The following SMC6 variants were observed in gnomAD, a reference collection of about 807,000 sequenced individuals.
SMC6 encodes the protein structural maintenance of chromosomes 6, also known as structural maintenance of chromosomes protein 6.
In SMC6, 79 loss-of-function variants were observed where a neutral mutation model predicts 142.2. The ratio of observed to expected loss-of-function variants is 0.56; its 90% CI spans 0.46 to 0.67. SMC6 has a LOEUF of 0.67. Among genes scored for constraint, SMC6 ranks in the 30% least tolerant of loss-of-function variants. The pLI is 0.00. For missense variants in SMC6, 1,072 were observed against 1,284.0 expected (o/e 0.83, Z 2.52); for synonymous variants, 411 against 412.4 (o/e 1.00, Z 0.04).
At chr2:17,726,490 T>C in intron 7 of SMC6, 21 bp from the exon 8 acceptor site, 3 of 1,585,024 alleles carry the variant, frequency 1.9e-6, no homozygotes, top group Non-Finnish European at 2.6e-6. Context: ...CAAAAAGTCA[T>C]TTTTGAATAT....
intron 26 of SMC6, 95 bp from the exon 27 acceptor site, chr2:17,666,612 C>T (rs1285510963): frequency 1.2e-6 from 1 of 826,454 alleles, no homozygotes; most frequent in Non-Finnish European, 2.0e-6. Context: ...CCTGGATTTT[C>T]ATCCAGGGAT....
At chr2:17,706,886 T>C (rs569453463) in intron 18 of SMC6, among the ~76,000 whole-genome samples, 26 of 152,198 alleles carry the variant, frequency 1.7e-4, no homozygotes, top group African/African-American at 5.5e-4. Flanking sequence ...CTGAGACAAA[T>C]AGGCAAAACT....
At position 17,721,089 on chromosome 2, in the gene SMC6, A is replaced by G. The variant is rs147155104; in HGVS notation, c.847-51T>C. 1,199 of 1,612,336 alleles carry G rather than the reference A, an allele frequency of 7.4e-4. 13 individuals carry two copies. The African/African-American group carries it at 0.014, about 19-fold the overall frequency. On this transcript the variant is annotated intron_variant, in intron 10 of 27. Coordinates refer to ENST00000448223, the MANE Select transcript of SMC6 (RefSeq NM_001142286.2). Reference sequence around the variant, plus strand: ...TGATCAGATTAACAATAATAACCAAATACATTCTGCATATCACATAGATAC... The same window carrying G: ...TGATCAGATTAACAATAATAACCAAGTACATTCTGCATATCACATAGATAC...
intron 4 of SMC6, chr2:17,740,778 A>G: frequency 2.3e-6 from 1 of 427,800 alleles, no homozygotes; most frequent in Non-Finnish European, 4.7e-6. Context: ...TGAACCTGGG[A>G]GGCAGAGGTT....
rs543836177 is a variant in SMC6 at position 17,723,287 on chromosome 2, T to C, written c.726+1970A>G. ...AATCAATCTTTCCACATCTCTTCTC[T>C]CCTTATAGCAGTTCATTCTCTTGTA... On this transcript the variant is annotated intron_variant, in intron 9 of 27. Coordinates refer to ENST00000448223, the MANE Select transcript of SMC6 (RefSeq NM_001142286.2). Among the ~76,000 whole-genome samples the C allele has an allele frequency of 2.4e-4, 37 of 152,324 alleles. No individual in the cohort carries two copies. In the South Asian group the frequency reaches 7.2e-3, roughly 30 times the overall value.
intron 9 of SMC6, among the ~76,000 whole-genome samples, chr2:17,722,575 T>C (rs1032276691): frequency 6.6e-6 from 1 of 152,180 alleles, no homozygotes; most frequent in Admixed American, 6.5e-5. Flanking sequence ...CCTCACATTT[T>C]CCAGTTCCAC....
intron 24 of SMC6, chr2:17,681,075 T>C (rs1190241323): frequency 1.3e-5 from 2 of 152,250 alleles, no homozygotes; most frequent in African/African-American, 4.8e-5. Context: ...GTGCAGCTTC[T>C]ACATCAGCGC....
intron 11 of SMC6, among the ~76,000 whole-genome samples, chr2:17,718,754 T>C (rs967681124): frequency 5.9e-5 from 9 of 152,168 alleles, no homozygotes; most frequent in Admixed American, 2.0e-4. Flanking sequence ...AAATTAAATA[T>C]TGCTAGAGCT....
chr2:17,703,327 A>C, intron 18 of SMC6, 35 bp from the exon 19 acceptor site: 1 of 1,560,880 alleles, frequency 6.4e-7, no homozygotes, highest in Non-Finnish European at 8.7e-7. Context: ...AAATACTTTA[A>C]ATCTTTTTCT....
At chr2:17,717,235 T>G in intron 12 of SMC6, 59 bp from the exon 13 acceptor site, 1 of 1,248,792 alleles carries the variant, frequency 8.0e-7, no homozygotes, top group Non-Finnish European at 1.1e-6. Context: ...CCCATTCACG[T>G]CCACTTTTGT....
chr2:17,731,069 A>T lies in SMC6; in HGVS notation c.543+9T>A. The T allele has an allele frequency of 6.2e-7, 1 of 1,605,882 alleles. No individual in the cohort carries two copies. The highest frequency in any genetic ancestry group is 8.5e-7 in the Non-Finnish European group (1 of 1,174,698). ...ATGAATTAATCTGAAACACAAATTC[A>T]CCAATTACCTGGATGTTAAAATGAT... On this transcript the variant is annotated intron_variant, in intron 7 of 27. Transcript: ENST00000448223.
chr2:17,692,642 T>C (rs1306082107), intron 23 of SMC6, among the ~76,000 whole-genome samples: 3 of 152,162 alleles, frequency 2.0e-5, no homozygotes, highest in South Asian at 2.1e-4. Flanking sequence ...GACATAGGCA[T>C]GGGCAAGGAC....
At chr2:17,721,770 A>G (rs1304177284) in intron 9 of SMC6, among the ~76,000 whole-genome samples, 1 of 150,636 alleles carries the variant, frequency 6.6e-6, no homozygotes. Context: ...ATCTCGGCTC[A>G]CTGCAACCTC....
At position 17,716,835 on chromosome 2, in the gene SMC6, T is replaced by C; in HGVS notation, c.1252A>G (p.Lys418Glu). ...GAATTTTCTTGATTTTGAAAGGCCT[T>C]TACTCTCTCTTTTAACCAAGATATT... Reference protein sequence around the residue: ...KKISWLKERVKAFQNQENSVN... With the variant: ...KKISWLKERVEAFQNQENSVN... Residue 418 changes from lysine to glutamate, a missense_variant, in exon 14 of 28, where the codon AAG (lysine) becomes GAG (glutamate). Physicochemically the swap from Lys to Glu is moderately conservative, Grantham distance 56. Coordinates refer to ENST00000448223, the MANE Select transcript of SMC6 (RefSeq NM_001142286.2). 1 of 1,613,566 alleles carries C rather than the reference T, an allele frequency of 6.2e-7. No individual in the cohort carries two copies. Among genetic ancestry groups the C allele is most frequent in the Non-Finnish European group, 8.5e-7 (1 of 1,179,780 alleles).
chr2:17,735,069 T>C (rs1670085564), intron 5 of SMC6, among the ~76,000 whole-genome samples: 1 of 151,970 alleles, frequency 6.6e-6, no homozygotes, highest in African/African-American at 2.4e-5. Flanking sequence ...AGCAAAATAC[T>C]TCTAAAAAAT....
At chr2:17,737,601 C>T (rs2125062171) in intron 5 of SMC6, among the ~76,000 whole-genome samples, 1 of 152,200 alleles carries the variant, frequency 6.6e-6, no homozygotes, top group Non-Finnish European at 1.5e-5. Context: ...GTGATGGCAA[C>T]CTATGACAAA....
chr2:17,717,645 T>C (rs1669163189), intron 12 of SMC6, among the ~76,000 whole-genome samples: 1 of 152,190 alleles, frequency 6.6e-6, no homozygotes, highest in Admixed American at 6.5e-5. Context: ...CACTCCAGCC[T>C]GGGTGACAGG....
intron 20 of SMC6, among the ~76,000 whole-genome samples, chr2:17,700,751 G>A (rs1386893217): frequency 6.6e-6 from 1 of 152,016 alleles, no homozygotes; most frequent in Non-Finnish European, 1.5e-5. Context: ...AATTTAGTTG[G>A]CCAGGTGCAG....
chr2:17,721,850 C>A (rs774786143), intron 9 of SMC6, among the ~76,000 whole-genome samples: 6 of 152,096 alleles, frequency 3.9e-5, no homozygotes, highest in Non-Finnish European at 7.4e-5. Context: ...CATGCACCAC[C>A]ACACCCAGCT....
Sources: gnomAD v4.1 joint callset for allele counts (sites outside exome capture counted in the v4.1 genomes callset) on GRCh38, gnomAD v4.1.1 for gene constraint, MANE v1.5 for transcripts, NCBI Gene and HGNC (gene_info 2026-07-23, HGNC 2026-07-21) for gene names.